Variants in GALNTL6 observed in about 807,000 individuals in gnomAD.
The protein encoded by GALNTL6 is polypeptide N-acetylgalactosaminyltransferase like 6.
In GALNTL6, 46 loss-of-function variants were observed where a neutral mutation model predicts 73.7. The observed-to-expected ratio is 0.62, with a 90% confidence interval of 0.49 to 0.80. The LOEUF is 0.80. Ranked by LOEUF, GALNTL6 falls within the 30% of genes least tolerant of loss-of-function variation. GALNTL6 has a pLI of 0.00. For missense variants in GALNTL6, 604 were observed against 755.0 expected (o/e 0.80, Z 2.34); for synonymous variants, 259 against 263.7 (o/e 0.98, Z 0.17).
intron 5 of GALNTL6, among the ~76,000 whole-genome samples, chr4:172,727,638 GT>G (rs1218984161): frequency 1.3e-5 from 2 of 152,018 alleles, no homozygotes; most frequent in African/African-American, 4.8e-5. Context: ...TTTTTCATAT[GT>G]TTTGAACAAG....
At chr4:172,744,453 T>C (rs538722183) in intron 5 of GALNTL6, among the ~76,000 whole-genome samples, 1 of 152,264 alleles carries the variant, frequency 6.6e-6, no homozygotes, top group South Asian at 2.1e-4. Flanking sequence ...ATCAAGGAGA[T>C]ACATGTCTGT....
At chr4:172,585,205 GGAACTT>G (rs1737355614) in intron 5 of GALNTL6, among the ~76,000 whole-genome samples, 2 of 151,830 alleles carry the variant, frequency 1.3e-5, no homozygotes, top group South Asian at 4.2e-4. Flanking sequence ...ATATCCTTTG[GGAACTT>G]AAAGTCTTCA....
intron 2 of GALNTL6, among the ~76,000 whole-genome samples, chr4:172,079,034 T>C (rs144158621): frequency 5.9e-5 from 9 of 152,128 alleles, no homozygotes; most frequent in Non-Finnish European, 1.2e-4. Flanking sequence ...CACACATGTA[T>C]GCATGCAAAT....
At chr4:172,795,668 A>C (rs921072086) in intron 5 of GALNTL6, among the ~76,000 whole-genome samples, 14 of 152,146 alleles carry the variant, frequency 9.2e-5, no homozygotes, top group Admixed American at 2.0e-4. Flanking sequence ...TCAAGCATTT[A>C]TCCTTTGTGT....
intron 4 of GALNTL6, among the ~76,000 whole-genome samples, chr4:172,313,890 C>A (rs1029561150): frequency 2.0e-5 from 3 of 152,170 alleles, no homozygotes; most frequent in Non-Finnish European, 4.4e-5. Flanking sequence ...GAATAAGGTT[C>A]ACCTTGGTGA....
rs116163208 is a variant in GALNTL6, at chr4:172,327,470, C to T, written c.386+15718C>T. On this transcript the variant is annotated intron_variant, in intron 4 of 12. Transcript: ENST00000506823. Reference sequence around the variant, plus strand: ...TATCATTGTTAACTTTCTGCCTCAGCGATCTAATATTGTCAGTGTGGTGTT... The same window carrying T: ...TATCATTGTTAACTTTCTGCCTCAGTGATCTAATATTGTCAGTGTGGTGTT... Among the ~76,000 whole-genome samples the T allele has an allele frequency of 1.5e-3, 221 of 152,090 alleles. 1 individual carries two copies. The highest frequency in any genetic ancestry group is 4.7e-3 in the African/African-American group (197 of 41,522).
intron 2 of GALNTL6, among the ~76,000 whole-genome samples, chr4:171,982,820 A>G (rs960375016): frequency 1.3e-5 from 2 of 152,212 alleles, no homozygotes; most frequent in Non-Finnish European, 2.9e-5. Flanking sequence ...CACTATGCTA[A>G]AGGGAAAGTT....
chr4:172,982,807 C>T (rs1164316237), intron 10 of GALNTL6, among the ~76,000 whole-genome samples: 2 of 151,848 alleles, frequency 1.3e-5, no homozygotes, highest in Non-Finnish European at 2.9e-5. Flanking sequence ...AAATATTTAT[C>T]TGAGATGAGA....
chr4:172,176,592 C>A (rs571086673), intron 2 of GALNTL6, among the ~76,000 whole-genome samples: 2 of 151,672 alleles, frequency 1.3e-5, no homozygotes, highest in African/African-American at 2.4e-5. Flanking sequence ...GAGTTTGAGA[C>A]CAGCCTGGAC....
intron 5 of GALNTL6, among the ~76,000 whole-genome samples, chr4:172,794,602 A>G (rs1740166963): frequency 6.6e-6 from 1 of 152,208 alleles, no homozygotes; most frequent in African/African-American, 2.4e-5. Context: ...TTACTCAAGC[A>G]AGGGCTTTCA....
intron 2 of GALNTL6, among the ~76,000 whole-genome samples, chr4:172,016,553 C>T (rs1032006003): frequency 2.6e-5 from 4 of 151,956 alleles, no homozygotes; most frequent in African/African-American, 9.7e-5. Flanking sequence ...CAATAACCTT[C>T]TGAATTATTT....
chr4:172,369,666 C>T (rs565825931), intron 5 of GALNTL6, among the ~76,000 whole-genome samples: 1 of 152,298 alleles, frequency 6.6e-6, no homozygotes, highest in Admixed American at 6.5e-5. Context: ...ATGGGCAGGC[C>T]GGCAGTGCTG....
intron 3 of GALNTL6, among the ~76,000 whole-genome samples, chr4:172,303,380 C>A (rs1740009998): frequency 6.6e-6 from 1 of 152,078 alleles, no homozygotes; most frequent in African/African-American, 2.4e-5. Context: ...ATAAGGCATC[C>A]CCAACAATTT....
At chr4:172,658,731 T>C (rs1420676807) in intron 5 of GALNTL6, among the ~76,000 whole-genome samples, 1 of 152,176 alleles carries the variant, frequency 6.6e-6, no homozygotes, top group Non-Finnish European at 1.5e-5. Context: ...GGTTATTTTG[T>C]TTTATGTATA....
chr4:171,830,070 T>C (rs1404897026), intron 2 of GALNTL6, among the ~76,000 whole-genome samples: 3 of 152,024 alleles, frequency 2.0e-5, no homozygotes, highest in Admixed American at 2.0e-4. Flanking sequence ...GATGCAGTGG[T>C]AAGTCAGATA....
intron 2 of GALNTL6, among the ~76,000 whole-genome samples, chr4:171,882,660 T>C (rs1001850955): frequency 7.9e-5 from 12 of 152,140 alleles, no homozygotes; most frequent in Non-Finnish European, 1.6e-4. Flanking sequence ...GCAGGAAGCA[T>C]CCAACACGGG....
At chr4:171,834,319 C>T (rs1210073294) in intron 2 of GALNTL6, among the ~76,000 whole-genome samples, 1 of 151,936 alleles carries the variant, frequency 6.6e-6, no homozygotes, top group Non-Finnish European at 1.5e-5. Context: ...GCCAAAACCA[C>T]ACAATGAGTT....
At chr4:172,614,366 C>T (rs1181217496) in intron 5 of GALNTL6, among the ~76,000 whole-genome samples, 1 of 152,076 alleles carries the variant, frequency 6.6e-6, no homozygotes, top group African/African-American at 2.4e-5. Context: ...GAACTAAGGC[C>T]ACTAATTCAT....
chr4:172,719,946 G>A (rs1164112348), intron 5 of GALNTL6, among the ~76,000 whole-genome samples: 1 of 152,108 alleles, frequency 6.6e-6, no homozygotes, highest in Admixed American at 6.6e-5. Flanking sequence ...ACGTTGTCAT[G>A]GCATTTGTAA....
Sources: allele counts gnomAD v4.1 joint callset (sites outside exome capture counted in the v4.1 genomes callset), GRCh38; gene constraint gnomAD v4.1.1; transcripts MANE v1.5; gene names NCBI Gene and HGNC (gene_info 2026-07-23, HGNC 2026-07-21).